The following DCT variants were observed in gnomAD, a reference collection of about 807,000 sequenced individuals.
DCT encodes dopachrome tautomerase.
In DCT, 47 loss-of-function variants were observed where a neutral mutation model predicts 53.0. The observed-to-expected ratio is 0.89, with a 90% confidence interval of 0.70 to 1.13. The LOEUF (loss-of-function observed/expected upper bound fraction) is 1.13, where lower values mean the gene tolerates loss of function less well. DCT is among the 50% of genes most tolerant of loss of function. DCT has a pLI of 0.00. For missense variants in DCT, 669 were observed against 637.4 expected, an observed-to-expected ratio of 1.05 and a Z score of -0.53; for synonymous variants, 244 against 237.0, an observed-to-expected ratio of 1.03 and a Z score of -0.27.
At chr13:94,452,054 CAG>C (rs1883130333) in intron 6 of DCT, among the ~76,000 whole-genome samples, 1 of 150,652 alleles carries the variant, frequency 6.6e-6, no homozygotes, top group Admixed American at 6.6e-5. Context: ...TTTTTTGAGA[CAG>C]AGTTTCGCTC....
At chr13:94,458,910 C>T (rs1257585239) in intron 6 of DCT, among the ~76,000 whole-genome samples, 1 of 152,022 alleles carries the variant, frequency 6.6e-6, no homozygotes, top group African/African-American at 2.4e-5. Flanking sequence ...AGGGTCTCAC[C>T]CTGTTGCACA....
At chr13:94,519,755 C>G in the DCT span, among the ~76,000 whole-genome samples, 4 of 152,182 alleles carry the variant, frequency 2.6e-5, no homozygotes, top group Non-Finnish European at 5.9e-5. Flanking sequence ...ACATCCCAAA[C>G]ATGTGGGTCC....
the DCT span, among the ~76,000 whole-genome samples, chr13:94,537,885 C>T: frequency 6.6e-6 from 1 of 152,054 alleles, no homozygotes; most frequent in African/African-American, 2.4e-5. Flanking sequence ...CAAGTACAGC[C>T]AAGGATTATG....
At chr13:94,542,776 TCCA>T in the DCT span, among the ~76,000 whole-genome samples, 3 of 152,164 alleles carry the variant, frequency 2.0e-5, no homozygotes, top group Non-Finnish European at 4.4e-5. Flanking sequence ...AACAAGGGTG[TCCA>T]GGCTTTCAAA....
intron 2 of DCT, chr13:94,468,276 G>C (rs1884363824): frequency 6.1e-6 from 1 of 165,166 alleles, no homozygotes; most frequent in African/African-American, 2.4e-5. Flanking sequence ...GATCTATCCT[G>C]TGAGTTTAAC....
intron 6 of DCT, among the ~76,000 whole-genome samples, chr13:94,450,739 T>G (rs1347876088): frequency 6.6e-6 from 1 of 152,138 alleles, no homozygotes; most frequent in Non-Finnish European, 1.5e-5. Context: ...GCATCATAAG[T>G]TGACATTACG....
At chr13:94,491,968 T>C in the DCT span, among the ~76,000 whole-genome samples, 1 of 152,212 alleles carries the variant, frequency 6.6e-6, no homozygotes, top group Non-Finnish European at 1.5e-5. Flanking sequence ...ACTCAGAGTT[T>C]AGAATAACTC....
chr13:94,499,483 C>T, the DCT span, among the ~76,000 whole-genome samples: 279 of 125,712 alleles, frequency 2.2e-3, no homozygotes, highest in Non-Finnish European at 3.6e-3. Flanking sequence ...TGTGTGTGTG[C>T]GTTCTCTCCA....
chr13:94,464,611 G>T (rs1212604492), intron 4 of DCT, among the ~76,000 whole-genome samples: 3 of 151,890 alleles, frequency 2.0e-5, no homozygotes, highest in African/African-American at 7.3e-5. Context: ...CTGCACTCCA[G>T]CCTGGTGACA....
the DCT span, among the ~76,000 whole-genome samples, chr13:94,540,356 A>T: frequency 3.1e-3 from 468 of 152,360 alleles, no homozygotes; most frequent in African/African-American, 0.011. Flanking sequence ...TTAAGACACC[A>T]CCTGAAAAGT....
At chr13:94,541,666 C>T in the DCT span, among the ~76,000 whole-genome samples, 1 of 152,044 alleles carries the variant, frequency 6.6e-6, no homozygotes, top group Non-Finnish European at 1.5e-5. Context: ...TGAAGTAATT[C>T]GAGGAGTGGA....
the DCT span, among the ~76,000 whole-genome samples, chr13:94,503,626 T>C: frequency 1.3e-5 from 2 of 152,140 alleles, no homozygotes. Flanking sequence ...ATTGCAGTGA[T>C]ACTGTCACAA....
chr13:94,474,016 T>G (rs186047946), intron 1 of DCT, among the ~76,000 whole-genome samples: 1 of 152,216 alleles, frequency 6.6e-6, no homozygotes, highest in Non-Finnish European at 1.5e-5. Context: ...TAATTTAGTT[T>G]TCCTAATAGC....
chr13:94,547,978 AAAAAAAATAT>A, the DCT span, among the ~76,000 whole-genome samples: 7 of 104,550 alleles, frequency 6.7e-5, no homozygotes, highest in East Asian at 2.1e-4. Context: ...AAAAAAAAAA[AAAAAAAATAT>A]ATATATATAT....
the DCT span, among the ~76,000 whole-genome samples, chr13:94,499,995 A>G: frequency 1.3e-5 from 2 of 152,250 alleles, no homozygotes; most frequent in African/African-American, 4.8e-5. Flanking sequence ...CATAACATAT[A>G]GTTACCTTTT....
At chr13:94,505,535 C>A in the DCT span, among the ~76,000 whole-genome samples, 1 of 152,014 alleles carries the variant, frequency 6.6e-6, no homozygotes, top group African/African-American at 2.4e-5. Flanking sequence ...TGTAAGCCAT[C>A]TGGTCATCTG....
Position 94,459,940 on chromosome 13 carries a change from T to A in DCT, c.1179+151A>T, listed in dbSNP as rs1883668900. The A allele has an allele frequency of 8.5e-5, 74 of 869,914 alleles. No homozygotes were observed. The East Asian group carries it at 2.0e-3, about 23-fold the overall frequency. 53.9% of individuals were successfully genotyped at this position (869,914 alleles called of 1,614,324 possible). On this transcript the variant is annotated intron_variant, in intron 6 of 7. Transcript: ENST00000377028. ...AGGGCCTTCAAATGCTACCTAACCA[T>A]CCCTATGGTATAGATTGAAATTAAT... is the stretch of plus-strand genomic sequence containing the variant.
chr13:94,455,760 C>A (rs956632411), intron 6 of DCT, among the ~76,000 whole-genome samples: 9 of 152,174 alleles, frequency 5.9e-5, no homozygotes, highest in Non-Finnish European at 1.0e-4. Context: ...TGCAGAAAAT[C>A]AAATTACTAG....
the DCT span, among the ~76,000 whole-genome samples, chr13:94,498,278 C>T: frequency 6.6e-6 from 1 of 152,230 alleles, no homozygotes; most frequent in African/African-American, 2.4e-5. Flanking sequence ...CTCAATCCCA[C>T]AGTTAAAATT....
Sources: allele counts gnomAD v4.1 joint callset (sites outside exome capture counted in the v4.1 genomes callset), GRCh38; gene constraint gnomAD v4.1.1; transcripts MANE v1.5; gene names NCBI Gene and HGNC (gene_info 2026-07-23, HGNC 2026-07-21).